The following SHC4 variants were observed in gnomAD, a reference collection of about 807,000 sequenced individuals.
SHC4 encodes the protein SHC adaptor protein 4.
A neutral mutation model predicts 69.4 loss-of-function variants in SHC4; 41 were observed. The ratio of observed to expected loss-of-function variants is 0.59; its 90% confidence interval spans 0.46 to 0.77. The LOEUF (loss-of-function observed/expected upper bound fraction) is 0.77, where lower values mean the gene tolerates loss of function less well. SHC4 is among the 30% of genes least tolerant of loss of function. The pLI is 0.00. For missense variants in SHC4, 777 were observed against 783.8 expected, an observed-to-expected ratio of 0.99 and a Z score of 0.10; for synonymous variants, 318 against 299.3, an observed-to-expected ratio of 1.06 and a Z score of -0.64.
Position 48,855,975 on chromosome 15 carries a change from T to C in SHC4, c.1220A>G (p.Gln407Arg), listed in dbSNP as rs1567053724. Reference sequence around the variant, plus strand: ...TACCAAATAGCACAACTTTTCACACTGTATGGGGCAGTAAGCCATTTGTTC... The same window carrying C: ...TACCAAATAGCACAACTTTTCACACCGTATGGGGCAGTAAGCCATTTGTTC... The part of the protein sequence containing the change: ...ATEQMAYCPI[Q>R]CEKLCYLPGN... Residue 407 changes from glutamine (Q) to arginine (R), a missense_variant, in exon 8 of 12, where the codon CAG becomes CGG. By Grantham distance (43) the Gln-to-Arg change is conservative. Transcript: ENST00000332408. The C allele has an allele frequency of 6.2e-7, 1 of 1,611,656 alleles. No homozygotes were observed. Among genetic ancestry groups the C allele is most frequent in the Non-Finnish European group, 8.5e-7 (1 of 1,178,832 alleles).
intron 10 of SHC4, among the ~76,000 whole-genome samples, chr15:48,836,571 C>T (rs934606874): frequency 6.6e-6 from 1 of 151,060 alleles, no homozygotes; most frequent in African/African-American, 2.4e-5. Context: ...TTTTTTTAAA[C>T]ACAAAGCGTC....
chr15:48,894,274 T>A (rs569085415), intron 2 of SHC4, among the ~76,000 whole-genome samples: 1 of 152,198 alleles, frequency 6.6e-6, no homozygotes, highest in Non-Finnish European at 1.5e-5. Flanking sequence ...AGGTGCTTTT[T>A]TTGTGGTTTG....
intron 1 of SHC4, among the ~76,000 whole-genome samples, chr15:48,935,768 G>A (rs1176336880): frequency 6.6e-6 from 1 of 152,242 alleles, no homozygotes; most frequent in Middle Eastern, 3.4e-3. Flanking sequence ...TTTAGAGAGA[G>A]CTCAGTGAGA....
intron 2 of SHC4, among the ~76,000 whole-genome samples, chr15:48,908,654 T>C (rs887953948): frequency 2.0e-5 from 3 of 152,176 alleles, no homozygotes; most frequent in Non-Finnish European, 4.4e-5. Flanking sequence ...GTTTTTCCAA[T>C]GTTATCTTCT....
chr15:48,957,178 A>G (rs1303042261), intron 1 of SHC4, among the ~76,000 whole-genome samples: 1 of 151,666 alleles, frequency 6.6e-6, no homozygotes, highest in Non-Finnish European at 1.5e-5. Flanking sequence ...AGGTTTCACC[A>G]TGTTGGCCTG....
intron 9 of SHC4, among the ~76,000 whole-genome samples, chr15:48,845,885 T>C (rs961440197): frequency 6.6e-6 from 1 of 152,216 alleles, no homozygotes; most frequent in African/African-American, 2.4e-5. Flanking sequence ...ATTAATATAT[T>C]AGCACATGTG....
At chr15:48,880,103 A>T (rs1259160349) in intron 4 of SHC4, 2 of 167,128 alleles carry the variant, frequency 1.2e-5, no homozygotes, top group East Asian at 3.8e-4. Context: ...AGCAGGTTTT[A>T]TCATGATCAG....
At chr15:48,893,025 A>G (rs925038100) in intron 2 of SHC4, among the ~76,000 whole-genome samples, 4 of 152,246 alleles carry the variant, frequency 2.6e-5, no homozygotes. Flanking sequence ...ACTTTTATAT[A>G]GCATCTTGTA....
At chr15:48,952,090 T>G (rs946392199) in intron 1 of SHC4, among the ~76,000 whole-genome samples, 1 of 152,114 alleles carries the variant, frequency 6.6e-6, no homozygotes, top group Non-Finnish European at 1.5e-5. Context: ...AGTCCAGGGT[T>G]AAAGGAACCA....
chr15:48,962,317 A>C, intron 1 of SHC4, 114 bp downstream of exon 1: 1 of 1,107,522 alleles, frequency 9.0e-7, no homozygotes, highest in East Asian at 2.6e-5. Flanking sequence ...CAGTTGAATC[A>C]TGTCCTGTCC....
chr15:48,952,018 C>G (rs1199884083), intron 1 of SHC4, among the ~76,000 whole-genome samples: 1 of 152,132 alleles, frequency 6.6e-6, no homozygotes, highest in Non-Finnish European at 1.5e-5. Flanking sequence ...GCCCTGTGAC[C>G]TTGGAGAGCT....
chr15:48,940,735 A>G (rs16961926), intron 1 of SHC4, among the ~76,000 whole-genome samples: 5,677 of 152,216 alleles, frequency 0.037, 351 homozygotes, highest in African/African-American at 0.13. Context: ...CATTGACGTC[A>G]TTCTCCCTCT....
At chr15:48,882,051 G>A (rs541682449) in intron 4 of SHC4, among the ~76,000 whole-genome samples, 2 of 152,118 alleles carry the variant, frequency 1.3e-5, no homozygotes, top group Non-Finnish European at 2.9e-5. Flanking sequence ...GATGGGGAAG[G>A]CATTAGTATT....
chr15:48,894,599 T>C (rs983689018), intron 2 of SHC4, among the ~76,000 whole-genome samples: 7 of 152,270 alleles, frequency 4.6e-5, no homozygotes, highest in African/African-American at 1.7e-4. Context: ...TCCATCTTTG[T>C]AGCCACTAAA....
At chr15:48,831,795 G>A (rs1453954559) in intron 11 of SHC4, among the ~76,000 whole-genome samples, 3 of 152,076 alleles carry the variant, frequency 2.0e-5, no homozygotes, top group Non-Finnish European at 2.9e-5. Context: ...AGTATTCTGT[G>A]TTTTTCTATA....
At chr15:48,938,990 T>C (rs1004191506) in intron 1 of SHC4, among the ~76,000 whole-genome samples, 1 of 152,220 alleles carries the variant, frequency 6.6e-6, no homozygotes, top group East Asian at 1.9e-4. Flanking sequence ...ACAAGAACAA[T>C]AGTTTATGTG....
chr15:48,952,810 CTGT>C (rs1368772680), intron 1 of SHC4, among the ~76,000 whole-genome samples: 3 of 152,210 alleles, frequency 2.0e-5, no homozygotes, highest in Non-Finnish European at 4.4e-5. Context: ...TGCTCATACA[CTGT>C]TGGTGGGAGT....
intron 10 of SHC4, among the ~76,000 whole-genome samples, chr15:48,842,636 A>G (rs1485724314): frequency 1.3e-5 from 2 of 152,180 alleles, no homozygotes; most frequent in African/African-American, 4.8e-5. Context: ...GTAGCCCTCA[A>G]AAAGATAAAT....
At chr15:48,870,568 G>C (rs907992913) in intron 5 of SHC4, among the ~76,000 whole-genome samples, 1 of 152,014 alleles carries the variant, frequency 6.6e-6, no homozygotes, top group Admixed American at 6.6e-5. Context: ...CCATTAATTA[G>C]AAAACAAGGG....
Sources: allele counts gnomAD v4.1 joint callset (sites outside exome capture counted in the v4.1 genomes callset), GRCh38; gene constraint gnomAD v4.1.1; transcripts MANE v1.5; gene names NCBI Gene and HGNC (gene_info 2026-07-23, HGNC 2026-07-21).